KIAA1217: variants seen among roughly 807,000 people sequenced by gnomAD.
KIAA1217 encodes KIAA1217.
KIAA1217 carries 88 observed loss-of-function variants against 163.9 expected under a neutral mutation model. The ratio of observed to expected loss-of-function variants is 0.54; its 90% CI spans 0.45 to 0.64. The LOEUF is 0.64. Ranked by LOEUF, KIAA1217 falls within the 30% of genes least tolerant of loss-of-function variation. The pLI is 0.00. For synonymous variants in KIAA1217, 903 were observed against 923.1 expected (o/e 0.98, Z 0.39); for missense variants, 2,372 against 2,475.0 (o/e 0.96, Z 0.88).
chr10:24,515,610 G>A (rs955651044), intron 10 of KIAA1217, among the ~76,000 whole-genome samples: 1 of 152,128 alleles, frequency 6.6e-6, no homozygotes, highest in African/African-American at 2.4e-5. Flanking sequence ...TCTAGCAAAG[G>A]CAACCTGATA....
intron 1 of KIAA1217, among the ~76,000 whole-genome samples, chr10:23,822,372 A>T (rs899652353): frequency 6.6e-6 from 1 of 152,366 alleles, no homozygotes. Context: ...CAGAAACAAG[A>T]CATAAACTTT....
intron 2 of KIAA1217, among the ~76,000 whole-genome samples, chr10:24,300,448 T>A (rs1024835191): frequency 3.4e-5 from 5 of 149,222 alleles, no homozygotes; most frequent in Admixed American, 6.6e-5. Context: ...TTTGGCAGGA[T>A]CATCTTGAAT....
In KIAA1217 at chr10:24,546,337, A is replaced by G. The variant is rs1246266926; in HGVS notation, c.*13A>G. 6.4e-7 allele frequency: 1 copy of G among 1,567,962 alleles called. No homozygotes were observed. Among genetic ancestry groups the G allele is most frequent in the Non-Finnish European group, 8.6e-7 (1 of 1,158,628 alleles). On this transcript the variant is annotated 3_prime_UTR_variant, in exon 21 of 21. Coordinates refer to ENST00000376454, the MANE Select transcript of KIAA1217 (RefSeq NM_019590.5). ...AGAAACCTCTTAAAGGTCAAATCCTATTAGGCACAAGTCGGAGTTACATTT... is the reference window on the plus strand; with the variant it reads ...AGAAACCTCTTAAAGGTCAAATCCTGTTAGGCACAAGTCGGAGTTACATTT...
intron 2 of KIAA1217, among the ~76,000 whole-genome samples, chr10:24,302,148 C>T (rs2041437294): frequency 6.6e-6 from 1 of 152,192 alleles, no homozygotes; most frequent in African/African-American, 2.4e-5. Context: ...AGGAGAACCA[C>T]TACCATTTGT....
intron 2 of KIAA1217, among the ~76,000 whole-genome samples, chr10:24,281,405 C>G (rs751828026): frequency 6.6e-6 from 1 of 152,108 alleles, no homozygotes; most frequent in African/African-American, 2.4e-5. Context: ...TGGACAGTTT[C>G]TTTTGTCTTT....
chr10:23,875,234 A>T (rs1046984075), intron 1 of KIAA1217, among the ~76,000 whole-genome samples: 1 of 151,994 alleles, frequency 6.6e-6, no homozygotes, highest in Non-Finnish European at 1.5e-5. Context: ...TATATAAACC[A>T]TATCAGAAGG....
chr10:23,918,733 T>TATATACACACACACACACAC (rs769797460), intron 1 of KIAA1217, among the ~76,000 whole-genome samples: 145 of 147,576 alleles, frequency 9.8e-4, no homozygotes, highest in African/African-American at 3.5e-3. Flanking sequence ...ATTAAATATA[T>TATATACACACACACACACAC]ACACACACAC....
At chr10:24,258,422 G>C (rs2075382413) in intron 2 of KIAA1217, among the ~76,000 whole-genome samples, 1 of 152,084 alleles carries the variant, frequency 6.6e-6, no homozygotes, top group Admixed American at 6.5e-5. Flanking sequence ...GGGTGACTGT[G>C]AGAGAACAAA....
At position 24,433,100 on chromosome 10, in the gene KIAA1217, A is replaced by C. The variant is rs1254266201; in HGVS notation, c.659A>C (p.Gln220Pro). Residue 220 changes from glutamine to proline, a missense_variant, in exon 4 of 21, where the codon CAG becomes CCG. By Grantham distance (76) the Gln-to-Pro change is moderately conservative (BLOSUM62 -1). Coordinates refer to ENST00000376454, the MANE Select transcript of KIAA1217 (RefSeq NM_019590.5). ...IRALFVSAFPQQLTMKMLESP... is the reference protein window; with the variant it reads ...IRALFVSAFPPQLTMKMLESP... ...GCTCTCTTCGTAAGTGCCTTTCCACAGCAGCTCACCATGAAAATGCTGGAA... is the reference window on the plus strand; with the variant it reads ...GCTCTCTTCGTAAGTGCCTTTCCACCGCAGCTCACCATGAAAATGCTGGAA... 6.2e-7 allele frequency: 1 copy of C among 1,614,070 alleles called. No individual in the cohort carries two copies. Among genetic ancestry groups the C allele is most frequent in the Admixed American group, 1.7e-5 (1 of 60,010 alleles).
At chr10:24,137,138 C>A (rs2063863063) in intron 2 of KIAA1217, among the ~76,000 whole-genome samples, 1 of 152,186 alleles carries the variant, frequency 6.6e-6, no homozygotes, top group Admixed American at 6.5e-5. Flanking sequence ...ACATTGGCAA[C>A]TATTAATCCC....
intron 1 of KIAA1217, among the ~76,000 whole-genome samples, chr10:24,217,116 G>A (rs1260359843): frequency 2.1e-5 from 3 of 145,302 alleles, no homozygotes; most frequent in Non-Finnish European, 3.0e-5. Context: ...CACATGCACA[G>A]CACTCAAAAG....
At chr10:24,242,466 T>G (rs958346335) in intron 2 of KIAA1217, among the ~76,000 whole-genome samples, 2 of 152,246 alleles carry the variant, frequency 1.3e-5, no homozygotes, top group Admixed American at 1.3e-4. Flanking sequence ...ATGGTGAACA[T>G]GTACCACATT....
chr10:24,368,714 T>C, intron 2 of KIAA1217: 1 of 230,374 alleles, frequency 4.3e-6, no homozygotes, highest in Non-Finnish European at 7.1e-6. Context: ...GAAGGCATGG[T>C]GGATCCATTA....
At chr10:23,993,829 C>T (rs1846339683) in intron 1 of KIAA1217, among the ~76,000 whole-genome samples, 1 of 152,104 alleles carries the variant, frequency 6.6e-6, no homozygotes, top group Admixed American at 6.5e-5. Flanking sequence ...ATCCACCCAC[C>T]TCAGCCTCCC....
chr10:24,374,200 A>G (rs1001784250), intron 2 of KIAA1217, among the ~76,000 whole-genome samples: 4 of 152,250 alleles, frequency 2.6e-5, no homozygotes, highest in African/African-American at 9.6e-5. Flanking sequence ...AATACTAATT[A>G]TCAGACCTCA....
At chr10:24,500,269 T>C (rs1417674167) in intron 8 of KIAA1217, among the ~76,000 whole-genome samples, 1 of 149,718 alleles carries the variant, frequency 6.7e-6, no homozygotes, top group Non-Finnish European at 1.5e-5. Flanking sequence ...TGTGTGTGCG[T>C]GTGTGTGTGT....
At chr10:23,734,216 T>C (rs116041450) in intron 1 of KIAA1217, among the ~76,000 whole-genome samples, 20 of 152,196 alleles carry the variant, frequency 1.3e-4, no homozygotes, top group African/African-American at 4.6e-4. Flanking sequence ...CCTCCCCTTA[T>C]CTTCCCTTCA....
intron 1 of KIAA1217, among the ~76,000 whole-genome samples, chr10:23,708,967 C>A (rs1290648839): frequency 2.0e-5 from 3 of 152,022 alleles, no homozygotes; most frequent in Non-Finnish European, 4.4e-5. Flanking sequence ...TGTAAGAATT[C>A]CAAGAGGAAG....
At chr10:24,468,552 G>T (rs190708939) in intron 5 of KIAA1217, among the ~76,000 whole-genome samples, 2 of 152,276 alleles carry the variant, frequency 1.3e-5, no homozygotes, top group African/African-American at 4.8e-5. Context: ...TTTGTATTCA[G>T]CGCCACTGTG....
Sources: allele counts gnomAD v4.1 joint callset (sites outside exome capture counted in the v4.1 genomes callset), GRCh38; gene constraint gnomAD v4.1.1; transcripts MANE v1.5; gene names NCBI Gene and HGNC (gene_info 2026-07-23, HGNC 2026-07-21).